Variants in RERE observed in about 807,000 individuals in gnomAD.
The protein encoded by RERE is arginine-glutamic acid dipeptide repeats.
Under a neutral mutation model 146.1 loss-of-function variants are expected in RERE, and 40 were observed. That is an observed-to-expected ratio of 0.27 (90% CI 0.21 to 0.36). The LOEUF (loss-of-function observed/expected upper bound fraction) is 0.36, where lower values mean the gene tolerates loss of function less well. RERE is among the 10% of genes least tolerant of loss of function. The pLI is 1.00. For synonymous variants in RERE, 1,003 were observed against 866.0 expected (o/e 1.16, Z -2.78); for missense variants, 1,933 against 2,138.7 (o/e 0.90, Z 1.90).
In RERE at chr1:8,360,975, G is replaced by A. The variant is rs1641548328; in HGVS notation, c.2532C>T (p.Pro844=). Residue 844 remains proline (P), a synonymous_variant, in exon 18 of 23, where the codon CCC becomes CCT. Coordinates refer to ENST00000400908, the MANE Select transcript of RERE (RefSeq NM_001042681.2). The part of the protein sequence containing the change: ...GQPSAPSHAQ[P]PLHGQGPPGP... ...CGGGTGGGCCCTGACCGTGCAGTGG[G>A]GGCTGGGCATGAGAGGGTGCAGAAG... 4 of 1,446,246 alleles carry A rather than the reference G, an allele frequency of 2.8e-6. No homozygotes were observed. Among genetic ancestry groups the A allele is most frequent in the Non-Finnish European group, 2.7e-6 (3 of 1,106,910 alleles). 89.6% of individuals were successfully genotyped at this position (1,446,246 alleles called of 1,614,324 possible). A position where few individuals can be genotyped will look rare whatever the true frequency, so the allele number is the denominator to read the frequency against.
Position 8,358,558 on chromosome 1 carries a change from C to G in RERE, c.3977G>C (p.Gly1326Ala). 6.2e-7 allele frequency: 1 copy of G among 1,605,258 alleles called. No homozygotes were observed. The highest frequency in any genetic ancestry group is 1.1e-5 in the South Asian group (1 of 89,512). Residue 1326 changes from glycine to alanine, a missense_variant, in exon 20 of 23, where the codon GGC (glycine) becomes GCC (alanine). By Grantham distance (60) the Gly-to-Ala change is moderately conservative. Around this residue, in one of 11 missense-constraint regions of RERE, gnomAD observed 1,255 missense variants for 1,153.8 expected, o/e 1.09. Transcript: ENST00000400908. ...ERELRERMKP[G>A]FEVKPPELDP... is the part of the protein sequence containing the mutation. ...CAGCTCTGGGGGCTTCACCTCGAAG[C>G]CCGGCTTCATCCTCTCCCGCAGCTC...
At chr1:8,369,147 G>A (rs1439214918) in intron 12 of RERE, among the ~76,000 whole-genome samples, 2 of 152,172 alleles carry the variant, frequency 1.3e-5, no homozygotes, top group Non-Finnish European at 2.9e-5. Context: ...GCTGCAGTGA[G>A]CTACAAATGT....
intron 1 of RERE, among the ~76,000 whole-genome samples, chr1:8,794,357 CAAAAAA>C (rs34549021): frequency 2.5e-5 from 1 of 40,554 alleles, no homozygotes; most frequent in African/African-American, 9.9e-5. Flanking sequence ...GACTCCGTCT[CAAAAAA>C]AAAAAAAAAA....
At chr1:8,730,890 T>G (rs1456684254) in intron 1 of RERE, among the ~76,000 whole-genome samples, 1 of 151,996 alleles carries the variant, frequency 6.6e-6, no homozygotes, top group Non-Finnish European at 1.5e-5. Flanking sequence ...AAGCAAGGGG[T>G]GTTGGGTGCC....
At chr1:8,538,501 G>C (rs1327476005) in intron 7 of RERE, among the ~76,000 whole-genome samples, 2 of 152,090 alleles carry the variant, frequency 1.3e-5, no homozygotes, top group African/African-American at 4.8e-5. Context: ...GAGCAGCTGT[G>C]GGAACTATAG....
intron 4 of RERE, among the ~76,000 whole-genome samples, chr1:8,572,721 T>C (rs1056544170): frequency 1.8e-4 from 28 of 152,208 alleles, no homozygotes; most frequent in African/African-American, 6.8e-4. Context: ...GAACTTCCAT[T>C]CCAATGGAGG....
intron 6 of RERE, among the ~76,000 whole-genome samples, chr1:8,548,205 A>T (rs1207477658): frequency 6.6e-6 from 1 of 152,212 alleles, no homozygotes; most frequent in African/African-American, 2.4e-5. Context: ...ATGATCCAGC[A>T]AGTAAAATGA....
At chr1:8,448,966 C>T (rs954730217) in intron 11 of RERE, among the ~76,000 whole-genome samples, 6 of 152,138 alleles carry the variant, frequency 3.9e-5, no homozygotes, top group East Asian at 1.9e-4. Flanking sequence ...GGAAACCTCA[C>T]GCATGAAACC....
intron 12 of RERE, among the ~76,000 whole-genome samples, chr1:8,405,089 G>A (rs1643401048): frequency 6.6e-6 from 1 of 152,186 alleles, no homozygotes; most frequent in South Asian, 2.1e-4. Flanking sequence ...CGAAGAAAAA[G>A]GAGACTGCAG....
intron 1 of RERE, among the ~76,000 whole-genome samples, chr1:8,816,913 G>A (rs1009542189): frequency 1.3e-5 from 2 of 152,132 alleles, no homozygotes; most frequent in African/African-American, 4.8e-5. Flanking sequence ...TAGAACAAGA[G>A]CATGAATAAG....
chr1:8,786,317 A>G, intron 1 of RERE: 1 of 885,010 alleles, frequency 1.1e-6, no homozygotes, highest in South Asian at 1.3e-5. Flanking sequence ...TTGAAGGGCC[A>G]CAGGAAGTTA....
At chr1:8,367,075 C>A (rs1349603979) in intron 12 of RERE, among the ~76,000 whole-genome samples, 1 of 152,138 alleles carries the variant, frequency 6.6e-6, no homozygotes, top group Non-Finnish European at 1.5e-5. Flanking sequence ...TGCACCCTCA[C>A]TTTGTCTCAT....
At chr1:8,382,240 C>T (rs924334980) in intron 12 of RERE, among the ~76,000 whole-genome samples, 2 of 152,286 alleles carry the variant, frequency 1.3e-5, no homozygotes, top group Non-Finnish European at 2.9e-5. Flanking sequence ...GCCTGCTGAG[C>T]TGTGGCCTGA....
intron 4 of RERE, among the ~76,000 whole-genome samples, chr1:8,601,768 CACACACACAA>C (rs1176032621): frequency 6.3e-5 from 8 of 126,232 alleles, no homozygotes; most frequent in Middle Eastern, 3.8e-3. Flanking sequence ...CACACACACA[CACACACACAA>C]ACACACACAC....
rs548075266 is a variant in RERE at position 8,559,280 on chromosome 1, C to CAAAAAAAAAAAAAAAAAAAAAAAA, written c.523-1781_523-1758dup. 1.8e-3 allele frequency among the ~76,000 whole-genome samples: 22 copies of CAAAAAAAAAAAAAAAAAAAAAAAA among 12,068 alleles called. 2 individuals are homozygous for CAAAAAAAAAAAAAAAAAAAAAAAA. Among genetic ancestry groups the CAAAAAAAAAAAAAAAAAAAAAAAA allele is most frequent in the South Asian group, 5.5e-3 (1 of 182 alleles). The allele number at this position is 12,068 out of a possible 152,430, so 7.9% of individuals were successfully genotyped here. ...GGGCAACAAGAGCAAAACTCCAGCT[C>CAAAAAAAAAAAAAAAAAAAAAAAA]AAAAAAAAAAAAAAAAAAAAAAAAC... is the stretch of plus-strand genomic sequence containing the variant. On this transcript the variant is annotated intron_variant, in intron 4 of 22. Coordinates refer to ENST00000400908, the MANE Select transcript of RERE (RefSeq NM_001042681.2).
rs767050723 is a variant in RERE at position 8,358,241 on chromosome 1, T to C, written c.4294A>G (p.Ile1432Val). The C allele has an allele frequency of 6.2e-7, 1 of 1,608,760 alleles. No homozygotes were observed. The highest frequency in any genetic ancestry group is 2.2e-5 in the East Asian group (1 of 44,648). Residue 1432 changes from isoleucine (I) to valine (V), a missense_variant, in exon 20 of 23, where the codon ATT (isoleucine) becomes GTT (valine). This residue lies in a region of RERE where 4 missense variants were observed against 24.9 expected (regional missense o/e 0.16). Coordinates refer to ENST00000400908, the MANE Select transcript of RERE (RefSeq NM_001042681.2). ...VTPHHHQHSHIHSHLHLHQQD... is the reference protein window; with the variant it reads ...VTPHHHQHSHVHSHLHLHQQD... ...TGGTGGAGGTGGAGGTGGGAGTGAATGTGAGAGTGCTGGTGATGGTGCGGA... is the reference window on the plus strand; with the variant it reads ...TGGTGGAGGTGGAGGTGGGAGTGAACGTGAGAGTGCTGGTGATGGTGCGGA...
chr1:8,466,080 T>C (rs537974052), intron 10 of RERE, 57 bp from the exon 11 acceptor site: 2 of 1,432,954 alleles, frequency 1.4e-6, no homozygotes, highest in Non-Finnish European at 1.9e-6. Flanking sequence ...CAGGACACAA[T>C]CGATCCAAGG....
intron 11 of RERE, among the ~76,000 whole-genome samples, chr1:8,452,170 C>T (rs978045849): frequency 6.6e-6 from 1 of 152,180 alleles, no homozygotes; most frequent in African/African-American, 2.4e-5. Flanking sequence ...GCCTCCTCTA[C>T]AGCACCCTTC....
chr1:8,411,040 G>A (rs1215426889), intron 12 of RERE, among the ~76,000 whole-genome samples: 2 of 152,158 alleles, frequency 1.3e-5, no homozygotes, highest in Non-Finnish European at 2.9e-5. Context: ...TTATAGACAT[G>A]CCTGGTAAGG....
Sources: allele counts gnomAD v4.1 joint callset (sites outside exome capture counted in the v4.1 genomes callset), GRCh38; gene constraint gnomAD v4.1.1; regional missense constraint gnomAD v4.1.1; transcripts MANE v1.5; gene names NCBI Gene and HGNC (gene_info 2026-07-23, HGNC 2026-07-21).